The following POLG variants were observed in gnomAD, a reference collection of about 807,000 sequenced individuals.
The protein encoded by POLG is DNA polymerase gamma, catalytic subunit, also known as DNA polymerase subunit gamma-1.
Under a neutral mutation model 155.4 loss-of-function variants are expected in POLG, and 110 were observed. The observed-to-expected ratio is 0.71, with a 90% confidence interval of 0.61 to 0.83. POLG has a LOEUF of 0.83. Among genes scored for constraint, POLG ranks in the 40% least tolerant of loss-of-function variants. The pLI is 0.00. For missense variants in POLG, 1,685 were observed against 1,627.5 expected, an observed-to-expected ratio of 1.04 and a Z score of -0.61; for synonymous variants, 701 against 631.5, an observed-to-expected ratio of 1.11 and a Z score of -1.65.
Position 89,333,642 on chromosome 15 carries a change from C to T in POLG, c.113G>A (p.Gly38Glu), listed in dbSNP as rs1403540142. The change falls in exon 2 of 23, where the codon GGG (glycine) becomes GAG (glutamate). Residue 38 changes from glycine to glutamate, a missense_variant. By Grantham distance (98) the Gly-to-Glu change is moderately conservative. Transcript: ENST00000268124. ...CTGCTGCTGCTGCCGCCGCCGCTGCCCGTCGCTGGGGTCGGACGCGGGGAC... is the reference window on the plus strand; with the variant it reads ...CTGCTGCTGCTGCCGCCGCCGCTGCTCGTCGCTGGGGTCGGACGCGGGGAC... ...SSVPASDPSD[G>E]QRRRQQQQQQ... 1 of 1,590,058 alleles carries T rather than the reference C, an allele frequency of 6.3e-7. No homozygotes were observed. Among genetic ancestry groups the T allele is most frequent in the Non-Finnish European group, 8.5e-7 (1 of 1,171,970 alleles).
At position 89,317,399 on chromosome 15, in the gene POLG, TC is replaced by T; in HGVS notation, c.3619del (p.Glu1207LysfsTer17). 6.2e-7 allele frequency: 1 copy of T among 1,614,148 alleles called. No individual in the cohort carries two copies. The highest frequency in any genetic ancestry group is 8.5e-7 in the Non-Finnish European group (1 of 1,180,002). On this transcript the variant is annotated frameshift_variant, in exon 22 of 23. Coordinates refer to ENST00000268124, the MANE Select transcript of POLG (RefSeq NM_002693.3). LOFTEE classifies it high-confidence loss of function. ...CKTPSNPTGM[E>X]RRYGIPQGEA... ...ACCCTGGGGAATCCCGTATCTCCTTTCCATCCCAGTTGGGTTGGAAGGGGTT... is the reference window on the plus strand; with the variant it reads ...ACCCTGGGGAATCCCGTATCTCCTTTCATCCCAGTTGGGTTGGAAGGGGTT...
Position 89,323,868 on chromosome 15 carries a change from C to G in POLG, c.2104G>C (p.Glu702Gln), listed in dbSNP as rs1311120173. The change falls in exon 12 of 23, where the codon GAG becomes CAG. Residue 702 changes from glutamate to glutamine, a missense_variant. Physicochemically the swap from Glu to Gln is conservative, Grantham distance 29 (BLOSUM62 2). Around this residue, in one of 3 missense-constraint regions of POLG, gnomAD observed 1,210 missense variants for 1,167.1 expected, o/e 1.04. Transcript: ENST00000268124. ...GCTCGCAAGTTCTCCATCTTGGCCT[C>G]AGCCTCCACTTCTAAGTAATCCAGT... ...EELDYLEVEAEAKMENLRAAV... is the reference protein window; with the variant it reads ...EELDYLEVEAQAKMENLRAAV... 6.2e-7 allele frequency: 1 copy of G among 1,614,144 alleles called. No individual in the cohort carries two copies. The highest frequency in any genetic ancestry group is 1.3e-5 in the African/African-American group (1 of 75,054).
intron 2 of POLG, chr15:89,332,317 G>GCCA (rs1422319200): frequency 6.6e-6 from 1 of 152,142 alleles, no homozygotes; most frequent in Non-Finnish European, 1.5e-5. Context: ...TAAAGAAACT[G>GCCA]CCAACTTTTT....
intron 10 of POLG, 149 bp downstream of exon 10, chr15:89,325,298 GGGT>G: frequency 7.1e-6 from 4 of 560,130 alleles, no homozygotes; most frequent in African/African-American, 5.2e-5. Context: ...GAGAGAGAGA[GGGT>G]GTGTGTGTGT....
chr15:89,325,402 A>AG, intron 10 of POLG, 48 bp downstream of exon 10: 1 of 1,318,552 alleles, frequency 7.6e-7, no homozygotes, highest in Non-Finnish European at 1.1e-6. Flanking sequence ...AGCCAGGGGA[A>AG]GGGGTCCCTA....
rs865917453 is a variant in POLG at position 89,325,195 on chromosome 15, A to T, written c.1949+255T>A. ...GAGAGTGAGAGAGTGAGTGAGTGAG[A>T]GAGTGAGTGAGAGAGTGAGTGAGTG... On this transcript the variant is annotated intron_variant, in intron 10 of 22. Transcript: ENST00000268124. 2.1e-3 allele frequency among the ~76,000 whole-genome samples: 103 copies of T among 49,072 alleles called. 9 individuals are homozygous for T. The highest frequency in any genetic ancestry group is 9.6e-3 in the African/African-American group (51 of 5,320). The allele number at this position is 49,072 out of a possible 152,430, so 32.2% of individuals were successfully genotyped here.
chr15:89,324,389 T>G (rs2055442448), intron 10 of POLG, 162 bp from the exon 11 acceptor site: 1 of 809,758 alleles, frequency 1.2e-6, no homozygotes, highest in African/African-American at 1.8e-5. Context: ...AGGGATTGAT[T>G]GACAAACTGA....
rs775651351 is a variant in POLG, at chr15:89,325,602, T to G, written c.1797A>C (p.Thr599=). The G allele has an allele frequency of 6.2e-7, 1 of 1,613,638 alleles. No individual in the cohort carries two copies. Among genetic ancestry groups the G allele is most frequent in the Admixed American group, 1.7e-5 (1 of 60,002 alleles). The part of the protein sequence containing the change: ...PSLLSLQMRV[T]PKLMALTWDG... ...CCCAGGTAAGTGCCATGAGTTTAGG[T>G]GTGACCCGCATCTGCAGGCTGAGGA... Residue 599 remains threonine, a synonymous_variant, in exon 10 of 23, where the codon ACA becomes ACC. Transcript: ENST00000268124.
chr15:89,319,609 CAA>C (rs1363126279), intron 18 of POLG, among the ~76,000 whole-genome samples: 4 of 152,160 alleles, frequency 2.6e-5, no homozygotes, highest in African/African-American at 7.2e-5. Flanking sequence ...CAATAAAGGA[CAA>C]AGACTCCAGC....
rs1169423451 is a variant in POLG at position 89,321,936 on chromosome 15, C to A, written c.2480+26G>T. ...TACCACCTCACCTCAGTTCTCCTAT[C>A]CCTACAACCACTCAGCAGACCATAC... On this transcript the variant is annotated intron_variant, in intron 15 of 22. Coordinates refer to ENST00000268124, the MANE Select transcript of POLG (RefSeq NM_002693.3). 10 of 1,613,284 alleles carry A rather than the reference C, an allele frequency of 6.2e-6. 1 individual carries two copies. The South Asian group carries it at 9.9e-5, about 16-fold the overall frequency.
chr15:89,318,537 A>ATACC lies in POLG; in HGVS notation c.3482_3482+3dup, dbSNP rs1567184981. On this transcript the variant is annotated splice_donor_region_variant and intron_variant, in intron 21 of 22. Transcript: ENST00000268124. ...CCAGGCTAGAGGCCATGGGCCCCGC[A>ATACC]TACCTGGTCAAGAGGTTGGTGATCT... The ATACC allele has an allele frequency of 6.2e-7, 1 of 1,612,568 alleles. No individual in the cohort carries two copies. The highest frequency in any genetic ancestry group is 1.1e-5 in the South Asian group (1 of 91,024).
rs773062595 is a variant in POLG, at chr15:89,316,739, C to T, written c.*12G>A. ...AGCTCCACGGGAGCAAATACAGAGCCTCCAGGCAGTGCTATGGTCCAGGCT... is the reference window on the plus strand; with the variant it reads ...AGCTCCACGGGAGCAAATACAGAGCTTCCAGGCAGTGCTATGGTCCAGGCT... On this transcript the variant is annotated 3_prime_UTR_variant, in exon 23 of 23. Transcript: ENST00000268124. 5.0e-6 allele frequency: 8 copies of T among 1,604,896 alleles called. No homozygotes were observed. The Admixed American group carries it at 1.3e-4, about 27-fold the overall frequency.
chr15:89,320,008 G>A lies in POLG; in HGVS notation c.2982-658C>T, dbSNP rs547510790. Among the ~76,000 whole-genome samples, 10 of 152,210 alleles carry A rather than the reference G, an allele frequency of 6.6e-5. No homozygotes were observed. In the South Asian group the frequency reaches 1.7e-3, roughly 25 times the overall value. Reference sequence around the variant, plus strand: ...CAACTAAAGCCCCACCACCTTTCTCGCCTCCACCAGCACACGCTGCTCACG... The same window carrying A: ...CAACTAAAGCCCCACCACCTTTCTCACCTCCACCAGCACACGCTGCTCACG... On this transcript the variant is annotated intron_variant, in intron 18 of 22. Coordinates refer to ENST00000268124, the MANE Select transcript of POLG (RefSeq NM_002693.3).
chr15:89,319,173 T>C lies in POLG; in HGVS notation c.3104+55A>G. On this transcript the variant is annotated intron_variant, in intron 19 of 22. Coordinates refer to ENST00000268124, the MANE Select transcript of POLG (RefSeq NM_002693.3). ...GCTAAAAAACAAAGCATCCAAGCTC[T>C]TCTGGGGCAAGCCCAGACCCCTCCC... 2 of 1,614,196 alleles carry C rather than the reference T, an allele frequency of 1.2e-6. 1 individual carries two copies. The highest frequency in any genetic ancestry group is 2.2e-5 in the South Asian group (2 of 91,080).
rs756143410 is a variant in POLG at position 89,329,005 on chromosome 15, T to C, written c.961A>G (p.Lys321Glu). The change falls in exon 4 of 23, where the codon AAG (lysine) becomes GAG (glutamate). Residue 321 changes from lysine to glutamate, a missense_variant. Lys to Glu is a moderately conservative substitution (Grantham distance 56). This residue lies in a region of POLG where 1,210 missense variants were observed against 1,167.1 expected (regional missense o/e 1.04). Coordinates refer to ENST00000268124, the MANE Select transcript of POLG (RefSeq NM_002693.3). ...LWIAAKQGKH[K>E]VQPPTKQGQK... ...CCTTGCTTTGTGGGGGGCTGGACCT[T>C]GTGTTTGCCCTGCTTGGCTGCTATC... 1 of 1,613,600 alleles carries C rather than the reference T, an allele frequency of 6.2e-7. No homozygotes were observed. Among genetic ancestry groups the C allele is most frequent in the African/African-American group, 1.3e-5 (1 of 75,046 alleles).
chr15:89,321,993 G>A lies in POLG; in HGVS notation c.2449C>T (p.Pro817Ser). 6.2e-7 allele frequency: 1 copy of A among 1,613,726 alleles called. No individual in the cohort carries two copies. The highest frequency in any genetic ancestry group is 8.5e-7 in the Non-Finnish European group (1 of 1,179,974). The part of the protein sequence containing the change: ...RISSQMVVWL[P>S]RSALPRAVIR... Reference sequence around the variant, plus strand: ...ACAGCACGGGGCAGAGCTGACCTGGGCAGCCACACCACCATCTGGGAGCTG... The same window carrying A: ...ACAGCACGGGGCAGAGCTGACCTGGACAGCCACACCACCATCTGGGAGCTG... Residue 817 changes from proline to serine, a missense_variant, in exon 15 of 23, where the codon CCC (proline) becomes TCC (serine). Transcript: ENST00000268124.
At chr15:89,322,302 A>G (rs535654688) in intron 14 of POLG, among the ~76,000 whole-genome samples, 10 of 152,206 alleles carry the variant, frequency 6.6e-5, no homozygotes, top group Non-Finnish European at 1.2e-4. Flanking sequence ...CTTCCTACAC[A>G]CAGGCAGACT....
rs774888597 is a variant in POLG, at chr15:89,319,001, T to G, written c.3203A>C (p.Asp1068Ala). 4 of 1,613,982 alleles carry G rather than the reference T, an allele frequency of 2.5e-6. No homozygotes were observed. In the African/African-American group the frequency reaches 5.3e-5, roughly 22 times the overall value. Residue 1068 changes from aspartate (D) to alanine (A), a missense_variant, in exon 20 of 23, where the codon GAC becomes GCC. Asp to Ala is a moderately radical substitution (Grantham distance 126). Coordinates refer to ENST00000268124, the MANE Select transcript of POLG (RefSeq NM_002693.3). ...FNKLESIATS[D>A]IPRTPVLGCC... Reference sequence around the variant, plus strand: ...GCCCAGCACCGGGGTACGTGGTATGTCAGACGTAGCAATGCTCTCAAGCTT... The same window carrying G: ...GCCCAGCACCGGGGTACGTGGTATGGCAGACGTAGCAATGCTCTCAAGCTT...
chr15:89,318,929 AC>A lies in POLG; in HGVS notation c.3273+1del. The A allele has an allele frequency of 6.2e-7, 1 of 1,613,692 alleles. No homozygotes were observed. Among genetic ancestry groups the A allele is most frequent in the Non-Finnish European group, 8.5e-7 (1 of 1,179,856 alleles). ...GCCCATGCTCCAAAGGTAGCAAGAT[AC>A]CTCTTCCTGGACAGCCGAGGGCTCC... On this transcript the variant is annotated splice_donor_variant, in intron 20 of 22. Coordinates refer to ENST00000268124, the MANE Select transcript of POLG (RefSeq NM_002693.3). LOFTEE classifies it high-confidence loss of function.
Sources: allele counts gnomAD v4.1 joint callset (sites outside exome capture counted in the v4.1 genomes callset), GRCh38; gene constraint gnomAD v4.1.1; regional missense constraint gnomAD v4.1.1; transcripts MANE v1.5; gene names NCBI Gene and HGNC (gene_info 2026-07-23, HGNC 2026-07-21).